The following GPR39 variants were observed in gnomAD, a reference collection of about 807,000 sequenced individuals.
The protein encoded by GPR39 is zinc sensing receptor.
A neutral mutation model predicts 18.4 loss-of-function variants in GPR39; 23 were observed. The ratio of observed to expected loss-of-function variants is 1.25; its 90% CI spans 0.90 to 1.77. The LOEUF is 1.77. GPR39 is among the 40% of genes most tolerant of loss of function. The pLI, the probability that GPR39 is intolerant of heterozygous loss-of-function variation, is 0.00. For missense variants in GPR39, 647 were observed against 602.4 expected, an observed-to-expected ratio of 1.07 and a Z score of -0.78; for synonymous variants, 280 against 257.9, an observed-to-expected ratio of 1.09 and a Z score of -0.82.
intron 1 of GPR39, among the ~76,000 whole-genome samples, chr2:132,621,701 C>G (rs1681446215): frequency 6.6e-6 from 1 of 152,184 alleles, no homozygotes; most frequent in African/African-American, 2.4e-5. Flanking sequence ...CAGACCCTGT[C>G]TCCAGCCCAG....
At chr2:132,493,152 TATATATACCATATATACACC>T (rs1681539019) in intron 1 of GPR39, among the ~76,000 whole-genome samples, 1 of 143,830 alleles carries the variant, frequency 7.0e-6, no homozygotes, top group South Asian at 2.2e-4. Context: ...ATACATTCCA[TATATATACCATATATACACC>T]ATATATACAC....
At chr2:132,454,956 T>C (rs988258927) in intron 1 of GPR39, among the ~76,000 whole-genome samples, 1 of 152,142 alleles carries the variant, frequency 6.6e-6, no homozygotes, top group Non-Finnish European at 1.5e-5. Flanking sequence ...TTTTGTTGTG[T>C]CTCTGCCAGC....
chr2:132,594,376 T>C (rs1680900514), intron 1 of GPR39, among the ~76,000 whole-genome samples: 1 of 152,154 alleles, frequency 6.6e-6, no homozygotes. Flanking sequence ...TGAATGTGCC[T>C]GTGCATGTCT....
At chr2:132,508,467 G>A (rs1057249079) in intron 1 of GPR39, among the ~76,000 whole-genome samples, 6 of 152,072 alleles carry the variant, frequency 3.9e-5, no homozygotes, top group Admixed American at 3.9e-4. Flanking sequence ...GCTGCCCTCC[G>A]AGAATTGGAG....
At chr2:132,451,869 C>T (rs953777685) in intron 1 of GPR39, among the ~76,000 whole-genome samples, 1 of 152,080 alleles carries the variant, frequency 6.6e-6, no homozygotes, top group South Asian at 2.1e-4. Context: ...TAGTCTTAGT[C>T]CTACATTTAA....
chr2:132,516,753 A>G lies in GPR39; in HGVS notation c.856+98855A>G, dbSNP rs542952066. Among the ~76,000 whole-genome samples the G allele has an allele frequency of 2.0e-5, 3 of 152,284 alleles. No individual in the cohort carries two copies. In the South Asian group the frequency reaches 6.2e-4, roughly 32 times the overall value. ...TTCCACTGGCCTGTGATGGGCCAAC[A>G]TGACAGAACCTTAACACTCATTGGG... is the stretch of plus-strand genomic sequence containing the variant. On this transcript the variant is annotated intron_variant, in intron 1 of 1. Coordinates refer to ENST00000329321, the MANE Select transcript of GPR39 (RefSeq NM_001508.3).
intron 1 of GPR39, among the ~76,000 whole-genome samples, chr2:132,626,698 T>G (rs1681550394): frequency 6.6e-6 from 1 of 152,192 alleles, no homozygotes; most frequent in African/African-American, 2.4e-5. Flanking sequence ...TGTTTATGGT[T>G]GGAGGCCTCC....
intron 1 of GPR39, among the ~76,000 whole-genome samples, chr2:132,582,827 A>C (rs1043527579): frequency 6.6e-6 from 1 of 151,568 alleles, no homozygotes; most frequent in African/African-American, 2.4e-5. Flanking sequence ...GTTGCAACCC[A>C]TTTGTGACTT....
chr2:132,498,328 ATGATGTT>A lies in GPR39; in HGVS notation c.856+80433_856+80439del, dbSNP rs1681687689. Among the ~76,000 whole-genome samples, 3 of 152,312 alleles carry A rather than the reference ATGATGTT, an allele frequency of 2.0e-5. No homozygotes were observed. The South Asian group carries it at 6.2e-4, about 32-fold the overall frequency. On this transcript the variant is annotated intron_variant, in intron 1 of 1. Coordinates refer to ENST00000329321, the MANE Select transcript of GPR39 (RefSeq NM_001508.3). ...AGCTTCCACTTATGAGTGAGAACAT[ATGATGTT>A]TGGTTTTCCATTCCTGAGCCGCTTC...
intron 1 of GPR39, among the ~76,000 whole-genome samples, chr2:132,595,437 G>A (rs138581949): frequency 8.5e-5 from 13 of 152,170 alleles, no homozygotes; most frequent in Admixed American, 7.2e-4. Flanking sequence ...AAATGAGTTC[G>A]CTGTCTTCGA....
At chr2:132,571,224 T>G (rs1444412241) in intron 1 of GPR39, among the ~76,000 whole-genome samples, 1 of 152,226 alleles carries the variant, frequency 6.6e-6, no homozygotes, top group African/African-American at 2.4e-5. Flanking sequence ...ATCGACATCT[T>G]ACATGGATGA....
At chr2:132,565,506 C>G (rs142743637) in intron 1 of GPR39, among the ~76,000 whole-genome samples, 1 of 148,610 alleles carries the variant, frequency 6.7e-6, no homozygotes, top group African/African-American at 2.5e-5. Context: ...TCCACTAACT[C>G]GTCATCTAGC....
At chr2:132,473,754 A>T (rs1296262665) in intron 1 of GPR39, among the ~76,000 whole-genome samples, 3 of 152,184 alleles carry the variant, frequency 2.0e-5, no homozygotes, top group African/African-American at 7.2e-5. Context: ...GAATTGAGAG[A>T]CATGATGTAG....
chr2:132,608,098 G>A (rs374899847), intron 1 of GPR39, among the ~76,000 whole-genome samples: 193 of 151,444 alleles, frequency 1.3e-3, no homozygotes, highest in African/African-American at 4.6e-3. Flanking sequence ...CAGGGGCAAA[G>A]AAAAAAGAAA....
chr2:132,628,920 C>T (rs920076064), intron 1 of GPR39, among the ~76,000 whole-genome samples: 1 of 152,186 alleles, frequency 6.6e-6, no homozygotes, highest in African/African-American at 2.4e-5. Flanking sequence ...TGCTGGAACA[C>T]AGCCCTTGCC....
chr2:132,463,582 A>C (rs1226883594), intron 1 of GPR39, among the ~76,000 whole-genome samples: 1 of 152,138 alleles, frequency 6.6e-6, no homozygotes, highest in Non-Finnish European at 1.5e-5. Flanking sequence ...AGGAGAAGAG[A>C]GGCAAGAAAA....
chr2:132,432,324 A>G (rs1307219996), intron 1 of GPR39, among the ~76,000 whole-genome samples: 1 of 152,194 alleles, frequency 6.6e-6, no homozygotes. Context: ...CTCATTTATA[A>G]GGACACAAAC....
intron 1 of GPR39, among the ~76,000 whole-genome samples, chr2:132,435,576 A>G (rs909254786): frequency 6.6e-6 from 1 of 152,184 alleles, no homozygotes; most frequent in Non-Finnish European, 1.5e-5. Context: ...TTGACTGTGC[A>G]GGGAAGGGTG....
intron 1 of GPR39, among the ~76,000 whole-genome samples, chr2:132,420,743 A>G (rs1679993930): frequency 6.6e-6 from 1 of 152,234 alleles, no homozygotes; most frequent in Admixed American, 6.5e-5. Context: ...TCTACGCAAG[A>G]TGAGGAAGCC....
Sources: allele counts gnomAD v4.1 joint callset (sites outside exome capture counted in the v4.1 genomes callset), GRCh38; gene constraint gnomAD v4.1.1; transcripts MANE v1.5; gene names NCBI Gene and HGNC (gene_info 2026-07-23, HGNC 2026-07-21).